The following LDLRAD4 variants were observed in gnomAD, a reference collection of about 807,000 sequenced individuals.
LDLRAD4 encodes low-density lipoprotein receptor class A domain-containing protein 4.
Under a neutral mutation model 17.0 loss-of-function variants are expected in LDLRAD4, and 5 were observed. The observed-to-expected ratio is 0.29, with a 90% CI of 0.15 to 0.62. The LOEUF is 0.62. Ranked by LOEUF, LDLRAD4 falls within the 20% of genes least tolerant of loss-of-function variation. LDLRAD4 has a pLI of 0.84. For synonymous variants in LDLRAD4, 168 were observed against 171.8 expected (o/e 0.98, Z 0.17); for missense variants, 340 against 424.7 (o/e 0.80, Z 1.75).
chr18:13,367,339 C>G lies in LDLRAD4; in HGVS notation c.-382-20002C>G, dbSNP rs949844122. On this transcript the variant is annotated intron_variant, in intron 1 of 5. Coordinates refer to ENST00000359446, the Ensembl canonical transcript of LDLRAD4. This position sits in a 1 kb window ranked among gnomAD's most constrained non-coding sequence, Gnocchi z 4.1. ...GTGATTGGCAGGTGGGGCAGAGGGGCCTGGGAGATGAGGTCCCGCTGTGCA... is the reference window on the plus strand; with the variant it reads ...GTGATTGGCAGGTGGGGCAGAGGGGGCTGGGAGATGAGGTCCCGCTGTGCA... Among the ~76,000 whole-genome samples the G allele has an allele frequency of 6.6e-6, 1 of 152,094 alleles. No homozygotes were observed. Among genetic ancestry groups the G allele is most frequent in the African/African-American group, 2.4e-5 (1 of 41,412 alleles).
Position 13,501,584 on chromosome 18 carries a change from C to CT in LDLRAD4, c.181+63211dup, listed in dbSNP as rs11324432. Reference sequence around the variant, plus strand: ...CATTGTGTATTTTCAAATTGTGTTGCTTTTTTTTTTTGCAGAATCTTGTAG... The same window carrying CT: ...CATTGTGTATTTTCAAATTGTGTTGCTTTTTTTTTTTTGCAGAATCTTGTAG... On this transcript the variant is annotated intron_variant, in intron 3 of 5. Transcript: ENST00000359446. Among the ~76,000 whole-genome samples, 1,438 of 147,890 alleles carry CT rather than the reference C, an allele frequency of 9.7e-3. 10 individuals carry two copies. Among genetic ancestry groups the CT allele is most frequent in the African/African-American group, 0.02 (816 of 40,044 alleles).
At chr18:13,289,246 A>C (rs2045829883) in intron 1 of LDLRAD4, among the ~76,000 whole-genome samples, 1 of 152,230 alleles carries the variant, frequency 6.6e-6, no homozygotes, top group Non-Finnish European at 1.5e-5. Context: ...ATAATGGTTT[A>C]GTTCCTAGGG....
intron 1 of LDLRAD4, among the ~76,000 whole-genome samples, chr18:13,288,495 T>C (rs934164658): frequency 1.3e-5 from 2 of 152,234 alleles, no homozygotes; most frequent in Admixed American, 6.5e-5. Flanking sequence ...AAAATATTGC[T>C]GAAAAATTCT....
chr18:13,548,589 G>T (rs140119372), intron 3 of LDLRAD4, among the ~76,000 whole-genome samples: 2 of 152,244 alleles, frequency 1.3e-5, no homozygotes, highest in Non-Finnish European at 2.9e-5. Flanking sequence ...TGCTGGGAGT[G>T]GGGAGAGGCC....
chr18:13,260,450 G>C (rs2043753201), intron 1 of LDLRAD4, among the ~76,000 whole-genome samples: 1 of 152,196 alleles, frequency 6.6e-6, no homozygotes. Context: ...GTATTAGGGT[G>C]CTTTGCAAAT....
intron 1 of LDLRAD4, among the ~76,000 whole-genome samples, chr18:13,253,895 C>T (rs2043359870): frequency 6.6e-6 from 1 of 152,214 alleles, no homozygotes; most frequent in African/African-American, 2.4e-5. Flanking sequence ...GCCTGCTCAC[C>T]TGCCCTCCAG....
At chr18:13,583,909 A>T (rs1294606685) in intron 3 of LDLRAD4, among the ~76,000 whole-genome samples, 1 of 152,172 alleles carries the variant, frequency 6.6e-6, no homozygotes, top group African/African-American at 2.4e-5. Context: ...CCACTCACAG[A>T]GCGGGGTCAC....
At chr18:13,262,793 TGCGTGGAAACTGAGTCCCGTGCGGCTCC>T (rs1419916319) in intron 1 of LDLRAD4, among the ~76,000 whole-genome samples, 1 of 90,192 alleles carries the variant, frequency 1.1e-5, no homozygotes. Context: ...TGCGGCTCTG[TGCGTGGAAACTGAGTCCCGTGCGGCTCC>T]GTGCGTTGGG....
At chr18:13,250,539 A>C (rs2043179290) in intron 1 of LDLRAD4, among the ~76,000 whole-genome samples, 1 of 152,218 alleles carries the variant, frequency 6.6e-6, no homozygotes, top group Non-Finnish European at 1.5e-5. Flanking sequence ...ATCAGAAGTG[A>C]AAAAGTGAAA....
intron 1 of LDLRAD4, chr18:13,240,376 C>G (rs1285185992): frequency 6.6e-6 from 1 of 152,278 alleles, no homozygotes; most frequent in African/African-American, 2.4e-5. Context: ...ACACCGCCTC[C>G]CCCACATATG....
At chr18:13,454,446 G>T (rs2092011995) in intron 3 of LDLRAD4, among the ~76,000 whole-genome samples, 1 of 152,062 alleles carries the variant, frequency 6.6e-6, no homozygotes, top group African/African-American at 2.4e-5. Context: ...TGCTTCCTGG[G>T]TCGGCCTGGG....
intron 3 of LDLRAD4, among the ~76,000 whole-genome samples, chr18:13,568,172 C>A (rs1231100084): frequency 6.6e-6 from 1 of 151,936 alleles, no homozygotes; most frequent in Non-Finnish European, 1.5e-5. Flanking sequence ...TGTGTGCCTG[C>A]AGTCCCAGCT....
At chr18:13,538,628 G>T (rs2094233263) in intron 3 of LDLRAD4, among the ~76,000 whole-genome samples, 1 of 151,878 alleles carries the variant, frequency 6.6e-6, no homozygotes, top group African/African-American at 2.4e-5. Context: ...GGGTTCAAGC[G>T]ATTCTCCCAC....
At chr18:13,498,743 C>A (rs565041364) in intron 3 of LDLRAD4, among the ~76,000 whole-genome samples, 1 of 150,366 alleles carries the variant, frequency 6.7e-6, no homozygotes, top group African/African-American at 2.5e-5. Context: ...ACTGGAGAAT[C>A]CTTCTGCCCA....
At chr18:13,247,226 A>T (rs545608856) in intron 1 of LDLRAD4, among the ~76,000 whole-genome samples, 16 of 152,324 alleles carry the variant, frequency 1.1e-4, no homozygotes, top group African/African-American at 3.6e-4. Context: ...TTTTTACAAA[A>T]AGCTTTGTTT....
At chr18:13,329,695 G>C (rs1444773102) in intron 1 of LDLRAD4, among the ~76,000 whole-genome samples, 1 of 152,062 alleles carries the variant, frequency 6.6e-6, no homozygotes, top group African/African-American at 2.4e-5. Flanking sequence ...TCCTGCTGTG[G>C]TATGAGTTAC....
intron 4 of LDLRAD4, among the ~76,000 whole-genome samples, chr18:13,635,463 T>A (rs1334992319): frequency 3.9e-5 from 6 of 152,142 alleles, no homozygotes; most frequent in Non-Finnish European, 2.9e-5. Context: ...AGGAAAAAAA[T>A]TCAGTCACTG....
At chr18:13,437,112 C>T in intron 2 of LDLRAD4, among the ~76,000 whole-genome samples, 1 of 152,214 alleles carries the variant, frequency 6.6e-6, no homozygotes, top group Non-Finnish European at 1.5e-5. Flanking sequence ...GTGCCGATGC[C>T]CAGCCTTTTA....
At chr18:13,331,100 C>T (rs2081839595) in intron 1 of LDLRAD4, among the ~76,000 whole-genome samples, 1 of 152,198 alleles carries the variant, frequency 6.6e-6, no homozygotes, top group East Asian at 1.9e-4. Context: ...GTTCTGTAAG[C>T]TGCTCTAGCT....
Sources: gnomAD v4.1 joint callset for allele counts (sites outside exome capture counted in the v4.1 genomes callset) on GRCh38, gnomAD v4.1.1 for gene constraint, Gnocchi (gnomAD v3.1) non-coding constraint, MANE v1.5 for transcripts, NCBI Gene and HGNC (gene_info 2026-07-23, HGNC 2026-07-21) for gene names.